Variants in CDYL observed in about 807,000 individuals in gnomAD.
CDYL encodes chromodomain Y like, also known as chromodomain Y-like protein.
CDYL carries 8 observed loss-of-function variants against 47.3 expected under a neutral mutation model. That is an observed-to-expected ratio of 0.17 (90% confidence interval 0.10 to 0.31). The LOEUF (loss-of-function observed/expected upper bound fraction) is 0.31. Ranked by LOEUF, CDYL falls within the 10% of genes least tolerant of loss-of-function variation. The pLI, the probability that CDYL is intolerant of heterozygous loss-of-function variation, is 1.00. For synonymous variants in CDYL, 266 were observed against 265.0 expected (o/e 1.00, Z -0.04); for missense variants, 471 against 701.4 (o/e 0.67, Z 3.71).
chr6:4,866,676 A>G (rs1002354199), intron 1 of CDYL, among the ~76,000 whole-genome samples: 8 of 152,156 alleles, frequency 5.3e-5, no homozygotes, highest in Non-Finnish European at 7.4e-5. Flanking sequence ...CCAAAAACCT[A>G]TCAAAGACAG....
At chr6:4,806,369 T>G (rs1239403673) in intron 1 of CDYL, among the ~76,000 whole-genome samples, 1 of 152,226 alleles carries the variant, frequency 6.6e-6, no homozygotes, top group Admixed American at 6.5e-5. Flanking sequence ...TTCCAAAATG[T>G]GAAATTCATT....
intron 3 of CDYL, among the ~76,000 whole-genome samples, chr6:4,759,879 CAAAAAAAAAAAAAAAAAAAAAAAAAAAAA>C (rs869207879): frequency 8.8e-4 from 22 of 25,066 alleles, no homozygotes; most frequent in East Asian, 2.7e-3. Flanking sequence ...AACTCCATCT[CAAAAAAAAAAAAAAAAAAAAAAAAAAAAA>C]AAAAAAAAAA....
chr6:4,872,313 T>G (rs1761498084), intron 1 of CDYL, among the ~76,000 whole-genome samples: 1 of 130,144 alleles, frequency 7.7e-6, no homozygotes, highest in African/African-American at 2.9e-5. Flanking sequence ...TGTCTTGGTG[T>G]TTTGATTTGG....
intron 3 of CDYL, among the ~76,000 whole-genome samples, chr6:4,936,930 T>G (rs1758211709): frequency 6.6e-6 from 1 of 152,240 alleles, no homozygotes; most frequent in Non-Finnish European, 1.5e-5. Flanking sequence ...TAGTTATATT[T>G]TACTCCATCC....
intron 2 of CDYL, among the ~76,000 whole-genome samples, chr6:4,723,673 G>A (rs1187365698): frequency 6.6e-6 from 1 of 152,164 alleles, no homozygotes; most frequent in South Asian, 2.1e-4. Context: ...GAGGAAGGGG[G>A]CTTGTTGATG....
chr6:4,901,133 T>C (rs1332341129), intron 2 of CDYL, among the ~76,000 whole-genome samples: 1 of 152,006 alleles, frequency 6.6e-6, no homozygotes, highest in East Asian at 1.9e-4. Context: ...ACTTTGGGCT[T>C]ATATGAAGTA....
chr6:4,835,885 G>T (rs531380634), intron 1 of CDYL, among the ~76,000 whole-genome samples: 99 of 152,330 alleles, frequency 6.5e-4, no homozygotes, highest in African/African-American at 2.3e-3. Flanking sequence ...TCCGAGCCAG[G>T]TGCGGGATAT....
intron 1 of CDYL, among the ~76,000 whole-genome samples, chr6:4,886,709 G>T (rs1490256682): frequency 3.3e-5 from 5 of 151,802 alleles, no homozygotes; most frequent in Non-Finnish European, 7.4e-5. Context: ...TTTTAATTTT[G>T]ATATCTAGTT....
intron 5 of CDYL, among the ~76,000 whole-genome samples, chr6:4,951,102 C>T (rs1286631012): frequency 6.6e-6 from 1 of 152,102 alleles, no homozygotes; most frequent in Non-Finnish European, 1.5e-5. Flanking sequence ...GGCATCAAGA[C>T]ATTGACAGAA....
intron 2 of CDYL, among the ~76,000 whole-genome samples, chr6:4,727,708 C>G (rs559499036): frequency 6.6e-6 from 1 of 151,804 alleles, no homozygotes; most frequent in African/African-American, 2.4e-5. Flanking sequence ...CCTGACAAAC[C>G]GCTTCCAGCT....
chr6:4,915,451 T>C (rs1757530126), intron 2 of CDYL, among the ~76,000 whole-genome samples: 1 of 152,166 alleles, frequency 6.6e-6, no homozygotes, highest in African/African-American at 2.4e-5. Context: ...AAGGGGACCC[T>C]AAAGAAACCT....
intron 2 of CDYL, among the ~76,000 whole-genome samples, chr6:4,901,586 A>G (rs142428328): frequency 4.3e-4 from 65 of 152,286 alleles, no homozygotes; most frequent in Non-Finnish European, 8.8e-4. Flanking sequence ...ATTTGATCAA[A>G]TCACTAGCAG....
chr6:4,725,937 A>G (rs963884443), intron 2 of CDYL, among the ~76,000 whole-genome samples: 1 of 151,868 alleles, frequency 6.6e-6, no homozygotes. Flanking sequence ...CCAAAAACAA[A>G]AGAGCAAATT....
intron 1 of CDYL, among the ~76,000 whole-genome samples, chr6:4,799,506 C>A (rs1003640883): frequency 6.6e-6 from 1 of 151,882 alleles, no homozygotes; most frequent in Admixed American, 6.6e-5. Flanking sequence ...AGTGCAGTGG[C>A]GTGATCATGG....
intron 1 of CDYL, among the ~76,000 whole-genome samples, chr6:4,785,965 T>C (rs1758744457): frequency 6.6e-6 from 1 of 152,224 alleles, no homozygotes; most frequent in Non-Finnish European, 1.5e-5. Flanking sequence ...GTGAAGGGCA[T>C]GCTTATGAAA....
At position 4,891,936 on chromosome 6, in the gene CDYL, T is replaced by C; in HGVS notation, c.248T>C (p.Ile83Thr). Residue 83 changes from isoleucine to threonine, a missense_variant, in exon 2 of 7, where the codon ATC (isoleucine) becomes ACC (threonine). Ile to Thr is a moderately conservative substitution (Grantham distance 89). This residue lies in a region of CDYL where 311 missense variants were observed against 350.0 expected (regional missense o/e 0.89). Coordinates refer to ENST00000397588, the MANE Select transcript of CDYL (RefSeq NM_004824.4). ...RTSPNNARKQ[I>T]SRSTNSNFSK... ...TCTCCCAACAATGCTAGGAAACAAATCTCCAGATCCACCAACAGCAACTTT... is the reference window on the plus strand; with the variant it reads ...TCTCCCAACAATGCTAGGAAACAAACCTCCAGATCCACCAACAGCAACTTT... The C allele has an allele frequency of 6.2e-7, 1 of 1,613,816 alleles. No individual in the cohort carries two copies. The highest frequency in any genetic ancestry group is 8.5e-7 in the Non-Finnish European group (1 of 1,179,960).
intron 3 of CDYL, among the ~76,000 whole-genome samples, chr6:4,768,548 G>T (rs77142534): frequency 0.086 from 13,057 of 152,108 alleles, 612 homozygotes; most frequent in South Asian, 0.13. Flanking sequence ...ATAATCCAGG[G>T]TATAAAATAA....
intron 1 of CDYL, among the ~76,000 whole-genome samples, chr6:4,789,614 G>C (rs1340262499): frequency 6.6e-6 from 1 of 152,170 alleles, no homozygotes; most frequent in African/African-American, 2.4e-5. Flanking sequence ...CTTTTGAGGG[G>C]CCATGTGCAT....
chr6:4,723,268 T>C (rs1319390045), intron 2 of CDYL, among the ~76,000 whole-genome samples: 1 of 152,174 alleles, frequency 6.6e-6, no homozygotes, highest in Non-Finnish European at 1.5e-5. Context: ...TTATACGCAT[T>C]GACTATGCCA....
Sources: allele counts gnomAD v4.1 joint callset (sites outside exome capture counted in the v4.1 genomes callset), GRCh38; gene constraint gnomAD v4.1.1; regional missense constraint gnomAD v4.1.1; transcripts MANE v1.5; gene names NCBI Gene and HGNC (gene_info 2026-07-23, HGNC 2026-07-21).